CSMD1: variants seen among roughly 807,000 people sequenced by gnomAD.
CSMD1 encodes the protein CUB and Sushi multiple domains 1.
A neutral mutation model predicts 417.5 loss-of-function variants in CSMD1; 213 were observed. The ratio of observed to expected loss-of-function variants is 0.51; its 90% CI spans 0.46 to 0.57. The LOEUF is 0.57. Among genes scored for constraint, CSMD1 ranks in the 20% least tolerant of loss-of-function variants. CSMD1 has a pLI of 0.00. For missense variants in CSMD1, 6,923 were observed against 4,529.7 expected (o/e 1.53, Z -15.17); for synonymous variants, 2,862 against 1,736.8 (o/e 1.65, Z -16.11).
intron 12 of CSMD1, among the ~76,000 whole-genome samples, chr8:3,463,890 A>T (rs1263320861): frequency 6.6e-6 from 1 of 152,010 alleles, no homozygotes; most frequent in African/African-American, 2.4e-5. Context: ...TCCCCCATAC[A>T]CCCTAGGAGC....
At chr8:3,830,946 G>A (rs1365207773) in intron 5 of CSMD1, among the ~76,000 whole-genome samples, 1 of 151,964 alleles carries the variant, frequency 6.6e-6, no homozygotes, top group Admixed American at 6.6e-5. Flanking sequence ...AGTTCTTTCT[G>A]AGGGACAGTT....
chr8:3,031,043 G>A (rs1810309020), intron 50 of CSMD1, among the ~76,000 whole-genome samples: 1 of 151,744 alleles, frequency 6.6e-6, no homozygotes, highest in Non-Finnish European at 1.5e-5. Context: ...AAATTTATAA[G>A]AAGATTCAAA....
At chr8:3,604,084 A>C (rs1394981588) in intron 8 of CSMD1, among the ~76,000 whole-genome samples, 1 of 152,244 alleles carries the variant, frequency 6.6e-6, no homozygotes, top group Admixed American at 6.5e-5. Context: ...ATAATGGCTG[A>C]ATGCTTCCTT....
intron 2 of CSMD1, among the ~76,000 whole-genome samples, chr8:4,520,665 A>G (rs1803396491): frequency 6.6e-6 from 1 of 152,200 alleles, no homozygotes; most frequent in Non-Finnish European, 1.5e-5. Flanking sequence ...ATACGCCATG[A>G]ACAGACTTGT....
intron 6 of CSMD1, among the ~76,000 whole-genome samples, chr8:3,741,279 G>A (rs1234609007): frequency 6.7e-6 from 1 of 148,918 alleles, no homozygotes; most frequent in Non-Finnish European, 1.5e-5. Context: ...ATGACTCCAT[G>A]CGGTAGAGTT....
intron 1 of CSMD1, among the ~76,000 whole-genome samples, chr8:4,793,081 T>A (rs965310081): frequency 6.6e-6 from 1 of 152,018 alleles, no homozygotes; most frequent in Admixed American, 6.6e-5. Context: ...AAATATAATA[T>A]AGCACTGTCA....
chr8:3,928,251 C>T (rs1202912516), intron 5 of CSMD1, among the ~76,000 whole-genome samples: 1 of 152,088 alleles, frequency 6.6e-6, no homozygotes, highest in African/African-American at 2.4e-5. Flanking sequence ...TTAATACAGC[C>T]TCATAATTAC....
At chr8:4,978,086 G>A (rs1488949307) in intron 1 of CSMD1, among the ~76,000 whole-genome samples, 2 of 152,172 alleles carry the variant, frequency 1.3e-5, no homozygotes, top group African/African-American at 4.8e-5. Flanking sequence ...TGTGTATCTC[G>A]ATCATGGCCA....
intron 3 of CSMD1, among the ~76,000 whole-genome samples, chr8:4,400,599 A>C (rs1804579247): frequency 1.3e-5 from 2 of 152,228 alleles, no homozygotes; most frequent in South Asian, 2.1e-4. Context: ...CTGGAGTTTG[A>C]AATAGGATGG....
intron 3 of CSMD1, among the ~76,000 whole-genome samples, chr8:4,192,714 A>T (rs1799101355): frequency 1.3e-5 from 2 of 152,216 alleles, no homozygotes; most frequent in African/African-American, 4.8e-5. Flanking sequence ...CATGTCGGGT[A>T]TGAGGAATTG....
At chr8:4,325,603 G>A (rs1270238039) in intron 3 of CSMD1, among the ~76,000 whole-genome samples, 2 of 152,194 alleles carry the variant, frequency 1.3e-5, no homozygotes, top group South Asian at 2.1e-4. Flanking sequence ...AGTAGGCAGG[G>A]CAACATGAAA....
At chr8:3,051,358 G>C (rs927277872) in intron 50 of CSMD1, among the ~76,000 whole-genome samples, 9 of 152,118 alleles carry the variant, frequency 5.9e-5, no homozygotes, top group African/African-American at 9.7e-5. Flanking sequence ...AAACCAAATA[G>C]CACATTTTCT....
chr8:4,842,665 C>G (rs1417260429), intron 1 of CSMD1, among the ~76,000 whole-genome samples: 3 of 152,188 alleles, frequency 2.0e-5, no homozygotes, highest in African/African-American at 7.2e-5. Context: ...ACAGTAGCCT[C>G]TAGAACTCAG....
chr8:4,810,890 A>C (rs1031537590), intron 1 of CSMD1, among the ~76,000 whole-genome samples: 2 of 152,216 alleles, frequency 1.3e-5, no homozygotes, highest in Non-Finnish European at 2.9e-5. Flanking sequence ...CTTGTGTCTG[A>C]ATCAGATAAA....
chr8:3,254,806 A>T (rs898970366), intron 26 of CSMD1, among the ~76,000 whole-genome samples: 1 of 151,958 alleles, frequency 6.6e-6, no homozygotes, highest in East Asian at 1.9e-4. Flanking sequence ...CTTCTTTGCC[A>T]TGGGTTCAAA....
At chr8:4,874,195 G>A (rs933406683) in intron 1 of CSMD1, among the ~76,000 whole-genome samples, 1 of 152,030 alleles carries the variant, frequency 6.6e-6, no homozygotes, top group Non-Finnish European at 1.5e-5. Context: ...CAATGAACAT[G>A]TGTGATTAAT....
At chr8:4,367,949 T>C (rs1032689350) in intron 3 of CSMD1, among the ~76,000 whole-genome samples, 1 of 152,170 alleles carries the variant, frequency 6.6e-6, no homozygotes, top group Non-Finnish European at 1.5e-5. Flanking sequence ...AGAAGCCTTC[T>C]GGCAGGCTTT....
chr8:3,893,042 G>C (rs964837483), intron 5 of CSMD1, among the ~76,000 whole-genome samples: 1 of 151,680 alleles, frequency 6.6e-6, no homozygotes, highest in Non-Finnish European at 1.5e-5. Flanking sequence ...TAGTGATATG[G>C]ATTAAACAAG....
intron 5 of CSMD1, among the ~76,000 whole-genome samples, chr8:3,797,731 A>G (rs539060720): frequency 1.3e-5 from 2 of 151,986 alleles, no homozygotes; most frequent in African/African-American, 4.8e-5. Flanking sequence ...ACATATTCTT[A>G]TACAAAATAT....
Sources: gnomAD v4.1 joint callset for allele counts (sites outside exome capture counted in the v4.1 genomes callset) on GRCh38, gnomAD v4.1.1 for gene constraint, MANE v1.5 for transcripts, NCBI Gene and HGNC (gene_info 2026-07-23, HGNC 2026-07-21) for gene names.